FCHSD2: variants seen among roughly 807,000 people sequenced by gnomAD.
FCHSD2 encodes F-BAR and double SH3 domains protein 2.
A neutral mutation model predicts 108.1 loss-of-function variants in FCHSD2; 38 were observed. The observed-to-expected ratio is 0.35, with a 90% CI of 0.27 to 0.46. The LOEUF is 0.46. Among genes scored for constraint, FCHSD2 ranks in the 20% least tolerant of loss-of-function variants. FCHSD2 has a pLI of 1.00. For synonymous variants in FCHSD2, 279 were observed against 314.7 expected, an observed-to-expected ratio of 0.89 and a Z score of 1.20; for missense variants, 751 against 897.8, an observed-to-expected ratio of 0.84 and a Z score of 2.09.
intron 3 of FCHSD2, among the ~76,000 whole-genome samples, chr11:73,039,693 G>A (rs1453457632): frequency 6.6e-6 from 1 of 152,164 alleles, no homozygotes; most frequent in African/African-American, 2.4e-5. Flanking sequence ...TAAATTCACA[G>A]GTGAGTCACT....
intron 4 of FCHSD2, among the ~76,000 whole-genome samples, chr11:73,008,524 G>C (rs1857791583): frequency 6.6e-6 from 1 of 152,132 alleles, no homozygotes; most frequent in African/African-American, 2.4e-5. Context: ...CAGTCCAGTG[G>C]AGGTGTTGAT....
chr11:73,122,293 CA>C (rs2135559828), intron 2 of FCHSD2, among the ~76,000 whole-genome samples: 1 of 152,116 alleles, frequency 6.6e-6, no homozygotes, highest in Admixed American at 6.5e-5. Flanking sequence ...CTTACAAGTA[CA>C]AAAACTTCCC....
At chr11:72,988,001 A>G (rs1275785459) in intron 6 of FCHSD2, among the ~76,000 whole-genome samples, 3 of 152,230 alleles carry the variant, frequency 2.0e-5, no homozygotes, top group Non-Finnish European at 4.4e-5. Context: ...CAAGTCCTTC[A>G]TGAATACTCA....
Position 72,901,988 on chromosome 11 carries a change from C to T in FCHSD2, c.924+555G>A, listed in dbSNP as rs111271662. Among the ~76,000 whole-genome samples, 824 of 152,104 alleles carry T rather than the reference C, an allele frequency of 5.4e-3. 4 individuals carry two copies. Among genetic ancestry groups the T allele is most frequent in the South Asian group, 0.014 (68 of 4,820 alleles). ...CTCCCAGGTTCAAGTGATTCTCCTG[C>T]TTTAGCCTCCTGAGTAGCTGGGATT... On this transcript the variant is annotated intron_variant, in intron 10 of 19. Transcript: ENST00000409418.
chr11:72,928,521 T>G (rs1382461214), intron 8 of FCHSD2, among the ~76,000 whole-genome samples: 1 of 152,190 alleles, frequency 6.6e-6, no homozygotes, highest in African/African-American at 2.4e-5. Context: ...TAAATGATAA[T>G]GATGGTTAAC....
At chr11:73,084,826 A>G (rs1293055513) in intron 2 of FCHSD2, among the ~76,000 whole-genome samples, 1 of 152,236 alleles carries the variant, frequency 6.6e-6, no homozygotes, top group Non-Finnish European at 1.5e-5. Flanking sequence ...TTGTAGAGTC[A>G]ACAAAATGTG....
intron 11 of FCHSD2, among the ~76,000 whole-genome samples, chr11:72,888,195 T>A (rs1478632542): frequency 2.6e-5 from 4 of 152,014 alleles, no homozygotes; most frequent in Non-Finnish European, 5.9e-5. Context: ...CATGAAAAAA[T>A]CTAGGTATGG....
chr11:73,068,167 T>C (rs970126491), intron 3 of FCHSD2, among the ~76,000 whole-genome samples: 3 of 152,058 alleles, frequency 2.0e-5, no homozygotes, highest in Admixed American at 6.6e-5. Flanking sequence ...AGATGAGATT[T>C]GGGTGGGGGC....
intron 9 of FCHSD2, among the ~76,000 whole-genome samples, chr11:72,905,439 C>T (rs894955527): frequency 1.3e-5 from 2 of 152,062 alleles, no homozygotes; most frequent in African/African-American, 2.4e-5. Flanking sequence ...TCCAATTATA[C>T]TTTTTTATTT....
Position 72,920,000 on chromosome 11 carries a change from C to T in FCHSD2, c.828+1828G>A, listed in dbSNP as rs980705457. 5.9e-5 allele frequency among the ~76,000 whole-genome samples: 9 copies of T among 151,886 alleles called. No homozygotes were observed. The East Asian group carries it at 7.7e-4, about 13-fold the overall frequency. ...ACAGAATGCAGTTCAAGCAGAAAGA[C>T]ACTTTTTTAAAAGCTTTAAACAAAT... On this transcript the variant is annotated intron_variant, in intron 9 of 19. Transcript: ENST00000409418.
At chr11:73,024,120 G>A (rs1480270958) in intron 3 of FCHSD2, among the ~76,000 whole-genome samples, 1 of 151,972 alleles carries the variant, frequency 6.6e-6, no homozygotes. Flanking sequence ...AATACCCACA[G>A]AACTTTGACA....
chr11:73,056,404 C>T (rs1471512665), intron 3 of FCHSD2, among the ~76,000 whole-genome samples: 2 of 152,118 alleles, frequency 1.3e-5, no homozygotes, highest in East Asian at 3.8e-4. Context: ...ACTGCTCATA[C>T]CCCCAAAATG....
intron 14 of FCHSD2, among the ~76,000 whole-genome samples, chr11:72,846,191 T>C (rs1277671069): frequency 2.0e-5 from 3 of 151,240 alleles, no homozygotes; most frequent in Non-Finnish European, 3.0e-5. Context: ...CTTTTTTTTT[T>C]TTTTTTTGAG....
chr11:73,014,663 C>A (rs557235777), intron 4 of FCHSD2, among the ~76,000 whole-genome samples: 2 of 152,060 alleles, frequency 1.3e-5, no homozygotes, highest in African/African-American at 2.4e-5. Flanking sequence ...CTAAACCATG[C>A]GCTTCAATAC....
rs866390773 is a variant in FCHSD2 at position 73,136,600 on chromosome 11, G to A, written c.119+3431C>T. Among the ~76,000 whole-genome samples, 4 of 151,972 alleles carry A rather than the reference G, an allele frequency of 2.6e-5. No individual in the cohort carries two copies. In the South Asian group the frequency reaches 6.2e-4, roughly 24 times the overall value. ...CTACTAATTTCTTTAAGAACACAAA[G>A]CTATTTGTACTTTTCTAAGTGAATT... On this transcript the variant is annotated intron_variant, in intron 2 of 19. Coordinates refer to ENST00000409418, the MANE Select transcript of FCHSD2 (RefSeq NM_014824.3).
rs376230330 is a variant in FCHSD2, at chr11:72,850,168, T to C, written c.1309-279A>G. The stretch of plus-strand genomic sequence containing the variant: ...AACCTCGGCCTCCCAGGTTCAAGAA[T>C]TCTCGTGCCTCAGTCTCCCGAATAG... On this transcript the variant is annotated intron_variant, in intron 13 of 19. Coordinates refer to ENST00000409418, the MANE Select transcript of FCHSD2 (RefSeq NM_014824.3). Among the ~76,000 whole-genome samples the C allele has an allele frequency of 1.1e-4, 17 of 149,666 alleles. No homozygotes were observed. In the East Asian group the frequency reaches 3.3e-3, roughly 29 times the overall value.
rs554316996 is a variant in FCHSD2 at position 73,113,403 on chromosome 11, C to T, written c.119+26628G>A. On this transcript the variant is annotated intron_variant, in intron 2 of 19. Coordinates refer to ENST00000409418, the MANE Select transcript of FCHSD2 (RefSeq NM_014824.3). ...TTTTTTTCTGAGACAAGGTCTCACT[C>T]TGTCACCTAGATTGGAGTGCAGTGA... 1.4e-4 allele frequency among the ~76,000 whole-genome samples: 15 copies of T among 107,506 alleles called. No individual in the cohort carries two copies. In the Middle Eastern group the frequency reaches 0.037, roughly 262 times the overall value. 70.5% of individuals were successfully genotyped at this position (107,506 alleles called of 152,430 possible). A position where few individuals can be genotyped will look rare whatever the true frequency, so the allele number is the denominator to read the frequency against.
At chr11:72,916,144 T>A (rs1313522032) in intron 9 of FCHSD2, among the ~76,000 whole-genome samples, 1 of 151,980 alleles carries the variant, frequency 6.6e-6, no homozygotes, top group Non-Finnish European at 1.5e-5. Context: ...TAAAATAATG[T>A]GTACCAAACC....
At chr11:73,104,433 C>T (rs1356268484) in intron 2 of FCHSD2, among the ~76,000 whole-genome samples, 1 of 152,070 alleles carries the variant, frequency 6.6e-6, no homozygotes, top group Non-Finnish European at 1.5e-5. Flanking sequence ...CCATGCCTGG[C>T]TAATTTTTGG....
Sources: gnomAD v4.1 joint callset for allele counts (sites outside exome capture counted in the v4.1 genomes callset) on GRCh38, gnomAD v4.1.1 for gene constraint, MANE v1.5 for transcripts, NCBI Gene and HGNC (gene_info 2026-07-23, HGNC 2026-07-21) for gene names.